The following DYM variants were observed in gnomAD, a reference collection of about 807,000 sequenced individuals.
The protein encoded by DYM is dyggve-Melchior-Clausen syndrome protein.
DYM carries 78 observed loss-of-function variants against 93.1 expected under a neutral mutation model. That is an observed-to-expected ratio of 0.84 (90% CI 0.70 to 1.01). The LOEUF (loss-of-function observed/expected upper bound fraction) is 1.01. Among genes scored for constraint, DYM ranks in the 50% least tolerant of loss-of-function variants. The pLI is 0.00. For missense variants in DYM, 789 were observed against 845.0 expected (o/e 0.93, Z 0.82); for synonymous variants, 321 against 319.7 (o/e 1.00, Z -0.04).
chr18:49,277,467 G>A (rs920412715), intron 10 of DYM, among the ~76,000 whole-genome samples: 2 of 152,128 alleles, frequency 1.3e-5, no homozygotes, highest in Non-Finnish European at 2.9e-5. Flanking sequence ...GTAGATATAC[G>A]AACTGCACGT....
At chr18:49,447,026 T>C (rs1302766155) in intron 1 of DYM, among the ~76,000 whole-genome samples, 1 of 146,562 alleles carries the variant, frequency 6.8e-6, no homozygotes, top group Non-Finnish European at 1.5e-5. Flanking sequence ...GCCACTGCAC[T>C]CCAGCCTGGG....
At chr18:49,371,028 C>T (rs996426228) in intron 5 of DYM, among the ~76,000 whole-genome samples, 1 of 152,084 alleles carries the variant, frequency 6.6e-6, no homozygotes, top group Non-Finnish European at 1.5e-5. Flanking sequence ...AGGATGAATG[C>T]CAGTTAGAAT....
chr18:49,340,742 G>A (rs1228905812), intron 6 of DYM, among the ~76,000 whole-genome samples: 1 of 152,162 alleles, frequency 6.6e-6, no homozygotes, highest in Non-Finnish European at 1.5e-5. Context: ...TAAATCATTT[G>A]GGGGGACATA....
intron 5 of DYM, among the ~76,000 whole-genome samples, chr18:49,368,159 G>A (rs2066681688): frequency 6.6e-6 from 1 of 152,102 alleles, no homozygotes; most frequent in South Asian, 2.1e-4. Flanking sequence ...AATAATTCTG[G>A]TTGACTGCTA....
intron 15 of DYM, among the ~76,000 whole-genome samples, chr18:49,131,665 C>T (rs2083389906): frequency 6.6e-6 from 1 of 152,204 alleles, no homozygotes; most frequent in Non-Finnish European, 1.5e-5. Context: ...TTGGAGAAAA[C>T]AGTTTAGTAT....
chr18:49,246,717 T>G (rs1598882125), intron 13 of DYM, among the ~76,000 whole-genome samples: 1 of 152,060 alleles, frequency 6.6e-6, no homozygotes, highest in Non-Finnish European at 1.5e-5. Context: ...AGAGGTGGAG[T>G]TAATGACACT....
chr18:49,227,221 T>C (rs964512547), intron 13 of DYM, among the ~76,000 whole-genome samples: 2 of 152,198 alleles, frequency 1.3e-5, no homozygotes, highest in Non-Finnish European at 2.9e-5. Context: ...ATAGCCATTA[T>C]AAAATTCTTC....
At chr18:49,080,374 C>T (rs2077791560) in intron 17 of DYM, among the ~76,000 whole-genome samples, 1 of 136,320 alleles carries the variant, frequency 7.3e-6, no homozygotes, top group East Asian at 2.3e-4. Flanking sequence ...GGGTGGCTGG[C>T]CGGGCGAGGG....
chr18:49,269,973 A>G (rs1391808387), intron 11 of DYM, among the ~76,000 whole-genome samples: 2 of 152,160 alleles, frequency 1.3e-5, no homozygotes, highest in African/African-American at 4.8e-5. Flanking sequence ...AAAATCTTTT[A>G]TACTGTATTT....
chr18:49,282,191 C>T lies in DYM; in HGVS notation c.947-16G>A, dbSNP rs762087192. 5.0e-6 allele frequency: 8 copies of T among 1,608,712 alleles called. No individual in the cohort carries two copies. In the Admixed American group the frequency reaches 8.3e-5, roughly 17 times the overall value. ...GGACTGCTATCTGGAATACAGAAAACAGCACATCAGTAATTTCTAGCTGTG... is the reference window on the plus strand; with the variant it reads ...GGACTGCTATCTGGAATACAGAAAATAGCACATCAGTAATTTCTAGCTGTG... On this transcript the variant is annotated splice_polypyrimidine_tract_variant and intron_variant, in intron 9 of 17. Transcript: ENST00000675505.
intron 4 of DYM, 40 bp downstream of exon 4, chr18:49,379,625 G>T: frequency 6.7e-7 from 1 of 1,488,398 alleles, no homozygotes; most frequent in Non-Finnish European, 9.4e-7. Flanking sequence ...AATTCACATT[G>T]TTAAATATAA....
intron 17 of DYM, among the ~76,000 whole-genome samples, chr18:49,081,835 C>T (rs1324389727): frequency 6.6e-6 from 1 of 152,218 alleles, no homozygotes; most frequent in Non-Finnish European, 1.5e-5. Context: ...ATGTGCCCCA[C>T]CTCTGCTCTG....
intron 14 of DYM, among the ~76,000 whole-genome samples, chr18:49,195,319 T>C (rs2091339220): frequency 6.6e-6 from 1 of 152,216 alleles, no homozygotes; most frequent in African/African-American, 2.4e-5. Flanking sequence ...GATACCTCTA[T>C]GTGTGTATAC....
chr18:49,363,363 G>C (rs565016835), intron 5 of DYM, 130 bp from the exon 6 acceptor site: 1 of 731,970 alleles, frequency 1.4e-6, no homozygotes, highest in African/African-American at 1.7e-5. Context: ...TATTAATGTT[G>C]ACCTCTGAAT....
At chr18:49,173,719 G>C (rs2089039758) in intron 14 of DYM, among the ~76,000 whole-genome samples, 4 of 152,012 alleles carry the variant, frequency 2.6e-5, no homozygotes, top group Admixed American at 6.6e-5. Context: ...AGCAATCCTA[G>C]TAGGTTTCTT....
chr18:49,127,805 G>T (rs1430262153), intron 15 of DYM, among the ~76,000 whole-genome samples: 3 of 152,204 alleles, frequency 2.0e-5, no homozygotes, highest in Non-Finnish European at 4.4e-5. Context: ...GAAAGAACAG[G>T]TTTTATATTA....
chr18:49,351,391 A>AT (rs2065110843), intron 6 of DYM, among the ~76,000 whole-genome samples: 1 of 97,564 alleles, frequency 1.0e-5, no homozygotes, highest in Non-Finnish European at 2.6e-5. Flanking sequence ...AACAAATAAA[A>AT]ATACATTTAA....
intron 2 of DYM, among the ~76,000 whole-genome samples, chr18:49,405,538 G>A (rs188659029): frequency 4.2e-4 from 64 of 152,306 alleles, no homozygotes; most frequent in African/African-American, 1.5e-3. Flanking sequence ...ACAAAGATCA[G>A]ATAGCTGTAG....
intron 13 of DYM, among the ~76,000 whole-genome samples, chr18:49,245,318 A>G (rs539568964): frequency 1.3e-5 from 2 of 152,356 alleles, no homozygotes; most frequent in South Asian, 4.1e-4. Context: ...GAACAAGGAA[A>G]GATAACCATA....
Sources: gnomAD v4.1 joint callset for allele counts (sites outside exome capture counted in the v4.1 genomes callset) on GRCh38, gnomAD v4.1.1 for gene constraint, MANE v1.5 for transcripts, NCBI Gene and HGNC (gene_info 2026-07-23, HGNC 2026-07-21) for gene names.